FASN: variants seen among roughly 807,000 people sequenced by gnomAD.
FASN encodes the protein fatty acid synthase, also known as 3-hydroxyacyl-[acyl-carrier-protein] dehydratase.
Under a neutral mutation model 250.0 loss-of-function variants are expected in FASN, and 50 were observed. That is an observed-to-expected ratio of 0.20 (90% CI 0.16 to 0.25). FASN has a LOEUF of 0.25. Ranked by LOEUF, FASN falls within the 10% of genes least tolerant of loss-of-function variation. The probability of loss-of-function intolerance (pLI) is 1.00; values close to 1 mark genes in which losing one functional copy is unlikely to be tolerated. For synonymous variants in FASN, 1,909 were observed against 1,584.0 expected (o/e 1.21, Z -4.87); for missense variants, 3,031 against 3,498.5 (o/e 0.87, Z 3.37).
At position 82,089,324 on chromosome 17, in the gene FASN, G is replaced by T. The variant is rs759454700; in HGVS notation, c.2026C>A (p.Arg676=). The change falls in exon 13 of 43, where the codon CGG becomes AGG. Residue 676 remains arginine, a synonymous_variant. Coordinates refer to ENST00000306749, the MANE Select transcript of FASN (RefSeq NM_004104.5). ...RKEGVFAKEV[R]TGGMAFHSYF... is the part of the protein sequence containing the mutation. ...GAGTGGAAGGCCATACCGCCGGTCC[G>T]CACCTCCTTGGCAAACACACCCTCC... is the stretch of plus-strand genomic sequence containing the variant. The T allele has an allele frequency of 3.1e-6, 5 of 1,612,808 alleles. No individual in the cohort carries two copies. In the South Asian group the frequency reaches 5.5e-5, roughly 18 times the overall value.
Position 82,078,453 on chromosome 17 carries a change from T to A in FASN, c.*690A>T, listed in dbSNP as rs1336768074. The A allele has an allele frequency of 6.5e-6, 1 of 153,594 alleles. No individual in the cohort carries two copies. Among genetic ancestry groups the A allele is most frequent in the Non-Finnish European group, 1.4e-5 (1 of 69,140 alleles). The allele number at this position is 153,594 out of a possible 1,614,324, so 9.5% of individuals were successfully genotyped here. ...CTGACAGTTACAGTAAATTTCAAAATCCAAGCAGCAATTTGAATCATTTCT... is the reference window on the plus strand; with the variant it reads ...CTGACAGTTACAGTAAATTTCAAAAACCAAGCAGCAATTTGAATCATTTCT... On this transcript the variant is annotated 3_prime_UTR_variant, in exon 43 of 43. Transcript: ENST00000306749. This position sits in a 1 kb window ranked among gnomAD's most constrained non-coding sequence, Gnocchi z 5.4.
chr17:82,091,199 T>G, intron 9 of FASN, 23 bp downstream of exon 9: 2 of 1,601,548 alleles, frequency 1.2e-6, no homozygotes, highest in Non-Finnish European at 1.7e-6. Context: ...AGGGACCACC[T>G]TGGGGGCAGA....
Position 82,083,402 on chromosome 17 carries a change from C to A in FASN, c.5365G>T (p.Val1789Leu). 6.2e-7 allele frequency: 1 copy of A among 1,612,772 alleles called. No individual in the cohort carries two copies. Among genetic ancestry groups the A allele is most frequent in the Non-Finnish European group, 8.5e-7 (1 of 1,180,016 alleles). The change falls in exon 32 of 43, where the codon GTG becomes TTG. Residue 1789 changes from valine (V) to leucine (L), a missense_variant. Coordinates refer to ENST00000306749, the MANE Select transcript of FASN (RefSeq NM_004104.5). The stretch of plus-strand genomic sequence containing the variant: ...TCCAGTAGGACCCCGTGGAATGTCA[C>A]GTTCTTCAGGAAGATAGCCATGCCT... The part of the protein sequence containing the change: ...PLGMAIFLKN[V>L]TFHGVLLDAF...
chr17:82,093,533 G>A (rs2034251193), intron 4 of FASN, 65 bp downstream of exon 4: 8 of 1,608,184 alleles, frequency 5.0e-6, no homozygotes, highest in South Asian at 1.1e-5. Flanking sequence ...ACGCCACGTG[G>A]TTTCTGCTCA....
chr17:82,086,433 C>T lies in FASN; in HGVS notation c.3553G>A (p.Ala1185Thr). The T allele has an allele frequency of 6.2e-7, 1 of 1,611,848 alleles. No individual in the cohort carries two copies. Among genetic ancestry groups the T allele is most frequent in the Non-Finnish European group, 8.5e-7 (1 of 1,179,872 alleles). Residue 1185 changes from alanine to threonine, a missense_variant, in exon 22 of 43, where the codon GCC (alanine) becomes ACC (threonine). Transcript: ENST00000306749. ...QQELPRLLSA[A>T]CRLQLNGNLQ... ...TTCCCGTTGAGCTGAAGCCTGCAGG[C>T]AGCCGACAACAGCCGGGGCAGTTCC...
intron 8 of FASN, among the ~76,000 whole-genome samples, chr17:82,092,108 C>G (rs1011839173): frequency 1.3e-5 from 2 of 152,134 alleles, no homozygotes; most frequent in Non-Finnish European, 2.9e-5. Flanking sequence ...GCTGTAGGGA[C>G]GGGTGGGCGA....
rs553520996 is a variant in FASN at position 82,083,031 on chromosome 17, G to A, written c.5650C>T (p.His1884Tyr). The A allele has an allele frequency of 4.3e-6, 7 of 1,612,902 alleles. No individual in the cohort carries two copies. The African/African-American group carries it at 8.0e-5, about 18-fold the overall frequency. The change falls in exon 33 of 43, where the codon CAC becomes TAC. Residue 1884 changes from histidine to tyrosine, a missense_variant. Transcript: ENST00000306749. Reference sequence around the variant, plus strand: ...CCACCAGCGATGATGTAGCTCTTGTGGGCCGGGCAGAAGGTCTTGGAGATG... The same window carrying A: ...CCACCAGCGATGATGTAGCTCTTGTAGGCCGGGCAGAAGGTCTTGGAGATG... ...SAISKTFCPAHKSYIIAGGLG... is the reference protein window; with the variant it reads ...SAISKTFCPAYKSYIIAGGLG...
Position 82,087,884 on chromosome 17 carries a change from G to A in FASN, c.2867-23C>T, listed in dbSNP as rs187989023. On this transcript the variant is annotated intron_variant, in intron 18 of 42. Coordinates refer to ENST00000306749, the MANE Select transcript of FASN (RefSeq NM_004104.5). ...TCCCTGTGGAAAGGGAGGTGCGGAA[G>A]GGCCTGAGGACGGGCGGCATGGCCA... is the stretch of plus-strand genomic sequence containing the variant. 6.8e-6 allele frequency: 11 copies of A among 1,612,570 alleles called. No individual in the cohort carries two copies. The African/African-American group carries it at 1.1e-4, about 16-fold the overall frequency.
Position 82,078,698 on chromosome 17 carries a change from T to C in FASN, c.*445A>G, listed in dbSNP as rs2033933209. Reference sequence around the variant, plus strand: ...GGGGGCCGCAGCCAGCAGGCTTGGGTGGCTGCCCGCGCCCGCAGGGGACAT... The same window carrying C: ...GGGGGCCGCAGCCAGCAGGCTTGGGCGGCTGCCCGCGCCCGCAGGGGACAT... On this transcript the variant is annotated 3_prime_UTR_variant, in exon 43 of 43. Transcript: ENST00000306749. The surrounding 1 kb of genome is among the most constrained non-coding windows in gnomAD (Gnocchi z 5.4). 8.2e-6 allele frequency: 2 copies of C among 242,840 alleles called. No homozygotes were observed. Among genetic ancestry groups the C allele is most frequent in the Admixed American group, 1.0e-4 (2 of 19,238 alleles). The allele number at this position is 242,840 out of a possible 1,614,324, so 15.0% of individuals were successfully genotyped here.
chr17:82,093,017 T>C lies in FASN; in HGVS notation c.658A>G (p.Asn220Asp), dbSNP rs2034240813. ...GTCKAFDTAGNGYCRSEGVVA... is the reference protein window; with the variant it reads ...GTCKAFDTAGDGYCRSEGVVA... ...ACACCCTCCGAGCGGCAGTACCCAT[T>C]CCCTGGGTAGAGCAGCACCTCAGGC... is the stretch of plus-strand genomic sequence containing the variant. The change falls in exon 6 of 43, where the codon AAT becomes GAT. Residue 220 changes from asparagine (N) to aspartate (D), a missense_variant and splice_region_variant. Asn to Asp is a conservative substitution (Grantham distance 23). Transcript: ENST00000306749. 1 of 1,611,746 alleles carries C rather than the reference T, an allele frequency of 6.2e-7. No individual in the cohort carries two copies. The highest frequency in any genetic ancestry group is 1.3e-5 in the African/African-American group (1 of 74,892).
chr17:82,086,331 G>T lies in FASN; in HGVS notation c.3655C>A (p.Leu1219Met). 6.2e-7 allele frequency: 1 copy of T among 1,605,366 alleles called. No individual in the cohort carries two copies. The change falls in exon 22 of 43, where the codon CTG (leucine) becomes ATG (methionine). Residue 1219 changes from leucine to methionine, a missense_variant. Leu to Met is a conservative substitution (Grantham distance 15). Transcript: ENST00000306749. ...LPEDPLLSGL[L>M]DSPALKACLD... ...CAGGCCTTGAGTGCCGGGGAGTCCA[G>T]GAGGCCGCTGAGCAGAGGGTCCTCT...
chr17:82,088,031 G>A lies in FASN; in HGVS notation c.2789C>T (p.Thr930Ile), dbSNP rs2144795862. The change falls in exon 18 of 43, where the codon ACA (threonine) becomes ATA (isoleucine). Residue 930 changes from threonine (T) to isoleucine (I), a missense_variant. Thr to Ile is a moderately conservative substitution (Grantham distance 89, BLOSUM62 -1). Transcript: ENST00000306749. The part of the protein sequence containing the change: ...HQATILPKTG[T>I]VSLEVRLLEA... ...CAGGAGCCGTACCTCCAGGGACACTGTCCCTGCAGAGCGGGAGAGTTGGAG... is the reference window on the plus strand; with the variant it reads ...CAGGAGCCGTACCTCCAGGGACACTATCCCTGCAGAGCGGGAGAGTTGGAG... 6.2e-7 allele frequency: 1 copy of A among 1,612,708 alleles called. No individual in the cohort carries two copies. The highest frequency in any genetic ancestry group is 8.5e-7 in the Non-Finnish European group (1 of 1,179,930).
chr17:82,088,280 T>C lies in FASN; in HGVS notation c.2621A>G (p.Tyr874Cys). ...IDTSSESPDH[Y>C]LVDHTLDGRV... is the part of the protein sequence containing the mutation. The stretch of plus-strand genomic sequence containing the variant: ...ACCGTCGAGGGTGTGGTCCACCAGG[T>C]AGTGGTCAGGAGACTCGGAGCTGGT... The change falls in exon 17 of 43, where the codon TAC becomes TGC. Residue 874 changes from tyrosine to cysteine, a missense_variant. By Grantham distance (194) the Tyr-to-Cys change is radical. Transcript: ENST00000306749. 6.2e-7 allele frequency: 1 copy of C among 1,605,732 alleles called. No homozygotes were observed. The highest frequency in any genetic ancestry group is 8.5e-7 in the Non-Finnish European group (1 of 1,179,788).
chr17:82,080,067 C>A, intron 41 of FASN, 73 bp downstream of exon 41: 1 of 1,483,798 alleles, frequency 6.7e-7, no homozygotes, highest in Non-Finnish European at 9.4e-7. Context: ...CGTCCCATCC[C>A]ATCCTTCCCT....
At chr17:82,080,971 G>C in intron 38 of FASN, 49 bp from the exon 39 acceptor site, 1 of 1,524,332 alleles carries the variant, frequency 6.6e-7, no homozygotes, top group Non-Finnish European at 8.9e-7. Context: ...CAGAGCCCTG[G>C]CACCCACGCA....
rs775630187 is a variant in FASN, at chr17:82,084,616, C to T, written c.4665G>A (p.Gln1555=). 3.7e-6 allele frequency: 6 copies of T among 1,607,254 alleles called. No homozygotes were observed. Among genetic ancestry groups the T allele is most frequent in the Non-Finnish European group, 5.1e-6 (6 of 1,177,684 alleles). The part of the protein sequence containing the change: ...RWVCSSLRHA[Q]PTCPGAQLCT... ...AGAGCTGGGCGCCAGGGCAGGTGGG[C>T]TGGGCATGGCGCAGCGAGGAGCAGA... The change falls in exon 27 of 43, where the codon CAG becomes CAA. Residue 1555 remains glutamine (Q), a synonymous_variant. Transcript: ENST00000306749.
In FASN at chr17:82,090,537, T is replaced by C. The variant is rs776429226; in HGVS notation, c.1708A>G (p.Met570Val). The C allele has an allele frequency of 6.2e-7, 1 of 1,612,036 alleles. No homozygotes were observed. The highest frequency in any genetic ancestry group is 8.5e-7 in the Non-Finnish European group (1 of 1,179,648). The stretch of plus-strand genomic sequence containing the variant: ...ACGATGCCATCTGGCCTCAGCCCCA[T>C]GCAGCTCAGCAGGTCTATGAGGCCT... The part of the protein sequence containing the change: ...QIGLIDLLSC[M>V]GLRPDGIVGH... Residue 570 changes from methionine (M) to valine (V), a missense_variant, in exon 11 of 43, where the codon ATG becomes GTG. Physicochemically the swap from Met to Val is conservative, Grantham distance 21. Transcript: ENST00000306749.
At position 82,093,652 on chromosome 17, in the gene FASN, C is replaced by A; in HGVS notation, c.400G>T (p.Gly134Cys). 1 of 1,612,796 alleles carries A rather than the reference C, an allele frequency of 6.2e-7. No individual in the cohort carries two copies. Among genetic ancestry groups the A allele is most frequent in the Non-Finnish European group, 8.5e-7 (1 of 1,179,988 alleles). The change falls in exon 4 of 43, where the codon GGC becomes TGC. Residue 134 changes from glycine (G) to cysteine (C), a missense_variant. Gly to Cys is a radical substitution (Grantham distance 159). Coordinates refer to ENST00000306749, the MANE Select transcript of FASN (RefSeq NM_004104.5). Reference sequence around the variant, plus strand: ...TTGGCCATCATCGCTCGCTGGCAGCCCACCATGCTGTAGCCCACGAGTGTC... The same window carrying A: ...TTGGCCATCATCGCTCGCTGGCAGCACACCATGCTGTAGCCCACGAGTGTC... ...PETLVGYSMVGCQRAMMANRL... is the reference protein window; with the variant it reads ...PETLVGYSMVCCQRAMMANRL...
rs753530645 is a variant in FASN, at chr17:82,088,841, G to C, written c.2340C>G (p.Thr780=). 1.2e-6 allele frequency: 2 copies of C among 1,612,594 alleles called. No homozygotes were observed. Among genetic ancestry groups the C allele is most frequent in the Admixed American group, 3.3e-5 (2 of 60,026 alleles). The change falls in exon 15 of 43, where the codon ACC becomes ACG. Residue 780 remains threonine (T), a synonymous_variant. Transcript: ENST00000306749. ...GATCCTTCTTCATCAGGGGGATGAT[G>C]GTGCAGCTCGGCTTCAGGCCACGCT... ...VLKRGLKPSC[T]IIPLMKKDHR...
Sources: allele counts gnomAD v4.1 joint callset (sites outside exome capture counted in the v4.1 genomes callset), GRCh38; gene constraint gnomAD v4.1.1; non-coding constraint Gnocchi (gnomAD v3.1); transcripts MANE v1.5; gene names NCBI Gene and HGNC (gene_info 2026-07-23, HGNC 2026-07-21).